Variants in SUGP1 observed in about 807,000 individuals in gnomAD.
SUGP1 encodes SURP and G-patch domain-containing protein 1.
A neutral mutation model predicts 76.5 loss-of-function variants in SUGP1; 34 were observed. The observed-to-expected ratio is 0.44, with a 90% CI of 0.34 to 0.59. The LOEUF is 0.59. Among genes scored for constraint, SUGP1 ranks in the 20% least tolerant of loss-of-function variants. SUGP1 has a pLI of 0.01. For synonymous variants in SUGP1, 326 were observed against 326.2 expected (o/e 1.00, Z 0.01); for missense variants, 752 against 851.7 (o/e 0.88, Z 1.46).
At chr19:19,314,667 T>C (rs1251754214) in intron 2 of SUGP1, among the ~76,000 whole-genome samples, 1 of 151,902 alleles carries the variant, frequency 6.6e-6, no homozygotes, top group Non-Finnish European at 1.5e-5. Context: ...AGACAAGAAA[T>C]CACATTCAGG....
intron 2 of SUGP1, among the ~76,000 whole-genome samples, chr19:19,314,892 G>T (rs1486073126): frequency 1.3e-5 from 2 of 152,208 alleles, no homozygotes; most frequent in Non-Finnish European, 2.9e-5. Context: ...AAATTGGCTG[G>T]GCGTGGCAGC....
intron 4 of SUGP1, 21 bp downstream of exon 4, chr19:19,305,828 G>T: frequency 6.3e-7 from 1 of 1,579,822 alleles, no homozygotes; most frequent in Non-Finnish European, 8.6e-7. Context: ...TGGTGGGGGA[G>T]CAGCAGCTCC....
rs2061210731 is a variant in SUGP1, at chr19:19,294,575, T to C, written c.1243+2414A>G. On this transcript the variant is annotated intron_variant, in intron 8 of 13. Transcript: ENST00000247001. ...AATTTAAGAACTAAAGGTACAAAAC[T>C]CTCGGTAGGAAACACAGGGGTAAAT... is the stretch of plus-strand genomic sequence containing the variant. 1.4e-5 allele frequency among the ~76,000 whole-genome samples: 2 copies of C among 148,058 alleles called. 1 individual carries two copies. Among genetic ancestry groups the C allele is most frequent in the South Asian group, 4.3e-4 (2 of 4,654 alleles).
chr19:19,295,197 T>A (rs1329822057), intron 8 of SUGP1, among the ~76,000 whole-genome samples: 1 of 150,818 alleles, frequency 6.6e-6, no homozygotes, highest in Non-Finnish European at 1.5e-5. Flanking sequence ...ACCAGCCTGG[T>A]CAACATGGTG....
chr19:19,287,705 G>T (rs1306152717), intron 8 of SUGP1, among the ~76,000 whole-genome samples: 1 of 152,212 alleles, frequency 6.6e-6, no homozygotes, highest in Admixed American at 6.5e-5. Flanking sequence ...AGCAGCACCA[G>T]AAAAGAAAAT....
intron 1 of SUGP1, among the ~76,000 whole-genome samples, chr19:19,319,252 C>T (rs1599877048): frequency 6.6e-6 from 1 of 151,904 alleles, no homozygotes; most frequent in African/African-American, 2.4e-5. Flanking sequence ...TCTAAAAGGC[C>T]ATTTTCAAGG....
At chr19:19,304,582 A>G (rs1386005440) in intron 4 of SUGP1, among the ~76,000 whole-genome samples, 2 of 152,214 alleles carry the variant, frequency 1.3e-5, no homozygotes, top group Non-Finnish European at 2.9e-5. Flanking sequence ...ATATTTTTAT[A>G]TACGGATTAG....
At chr19:19,310,055 A>G in intron 3 of SUGP1, 42 bp downstream of exon 3, 2 of 1,499,888 alleles carry the variant, frequency 1.3e-6, no homozygotes, top group Non-Finnish European at 9.3e-7. Flanking sequence ...CCCCAGGGGG[A>G]GATGCAAGGA....
At chr19:19,302,901 T>C (rs578247416) in intron 6 of SUGP1, among the ~76,000 whole-genome samples, 23 of 152,226 alleles carry the variant, frequency 1.5e-4, no homozygotes, top group African/African-American at 5.3e-4. Flanking sequence ...CTGAAATTCA[T>C]CCCATCAGAA....
chr19:19,283,336 G>A (rs1329024269), intron 8 of SUGP1, among the ~76,000 whole-genome samples: 2 of 151,942 alleles, frequency 1.3e-5, no homozygotes, highest in Non-Finnish European at 1.5e-5. Flanking sequence ...GTGCAATCTC[G>A]GCTCACTGCA....
chr19:19,305,387 G>A (rs2061308474), intron 4 of SUGP1, among the ~76,000 whole-genome samples: 1 of 152,200 alleles, frequency 6.6e-6, no homozygotes, highest in South Asian at 2.1e-4. Flanking sequence ...CTTTCCCAGG[G>A]ATAGAAGAGA....
intron 8 of SUGP1, among the ~76,000 whole-genome samples, chr19:19,283,160 ACATAT>A (rs977696461): frequency 6.6e-6 from 1 of 152,212 alleles, no homozygotes; most frequent in Non-Finnish European, 1.5e-5. Flanking sequence ...CTACCATAAA[ACATAT>A]ACACATTGCA....
chr19:19,278,678 CT>C lies in SUGP1; in HGVS notation c.1635+11del. ...GTGGCAGAGGCTGGAGCTAGGGCCC[CT>C]CCTGGCTCACCTTCAGGGCCTTGAA... On this transcript the variant is annotated intron_variant, in intron 11 of 13. Coordinates refer to ENST00000247001, the MANE Select transcript of SUGP1 (RefSeq NM_172231.4). 4 of 1,605,474 alleles carry C rather than the reference CT, an allele frequency of 2.5e-6. No homozygotes were observed. Among genetic ancestry groups the C allele is most frequent in the Non-Finnish European group, 3.4e-6 (4 of 1,175,914 alleles).
At chr19:19,283,794 G>T (rs1264741279) in intron 8 of SUGP1, among the ~76,000 whole-genome samples, 1 of 152,110 alleles carries the variant, frequency 6.6e-6, no homozygotes, top group Non-Finnish European at 1.5e-5. Flanking sequence ...CACCATATTG[G>T]CCAGGCTGGT....
At chr19:19,319,750 C>T (rs1472892022) in intron 1 of SUGP1, among the ~76,000 whole-genome samples, 1 of 148,654 alleles carries the variant, frequency 6.7e-6, no homozygotes, top group Non-Finnish European at 1.5e-5. Context: ...AAGAAAAGGT[C>T]TTTCCTGACT....
intron 4 of SUGP1, among the ~76,000 whole-genome samples, chr19:19,304,995 C>T (rs539470247): frequency 3.7e-4 from 57 of 152,250 alleles, no homozygotes; most frequent in Admixed American, 8.5e-4. Context: ...TCAAGGGCCC[C>T]GAGATGGCCA....
At position 19,303,811 on chromosome 19, in the gene SUGP1, A is replaced by G. The variant is rs2061292569; in HGVS notation, c.575T>C (p.Ile192Thr). The G allele has an allele frequency of 1.2e-6, 2 of 1,614,152 alleles. No individual in the cohort carries two copies. The highest frequency in any genetic ancestry group is 2.2e-5 in the South Asian group (2 of 91,076). The change falls in exon 5 of 14, where the codon ATA (isoleucine) becomes ACA (threonine). Residue 192 changes from isoleucine to threonine, a missense_variant. Around this residue, in one of 2 missense-constraint regions of SUGP1, gnomAD observed 620 missense variants for 617.3 expected, o/e 1.00. Coordinates refer to ENST00000247001, the MANE Select transcript of SUGP1 (RefSeq NM_172231.4). ...TGCCACAAAGCGGGCCAATTTCTCT[A>G]TCACTTTCCGAGTCTCGGCTCCCTC... ...PPEGAETRKVIEKLARFVAEG... is the reference protein window; with the variant it reads ...PPEGAETRKVTEKLARFVAEG...
At position 19,280,128 on chromosome 19, in the gene SUGP1, G is replaced by A; in HGVS notation, c.1350+57C>T. The A allele has an allele frequency of 1.9e-6, 3 of 1,542,018 alleles. 1 individual carries two copies. The highest frequency in any genetic ancestry group is 2.3e-5 in the South Asian group (2 of 88,850). ...TGTGACCGCTGCACCCGGGGGTAGA[G>A]GACAACACTCTATGGGCGCCGACCA... On this transcript the variant is annotated intron_variant, in intron 9 of 13. Transcript: ENST00000247001.
chr19:19,279,372 T>G lies in SUGP1; in HGVS notation c.1369A>C (p.Met457Leu), dbSNP rs1390534271. 1 of 1,607,174 alleles carries G rather than the reference T, an allele frequency of 6.2e-7. No homozygotes were observed. The highest frequency in any genetic ancestry group is 8.5e-7 in the Non-Finnish European group (1 of 1,179,054). ...ATGGCCCGCTTGTGCTGCATGATCA[T>G]GTCGTACATCTGCTGCATCTGCAGG... ...EQQEMQQMYDMIMQHKRAMQD... is the reference protein window; with the variant it reads ...EQQEMQQMYDLIMQHKRAMQD... The change falls in exon 10 of 14, where the codon ATG (methionine) becomes CTG (leucine). Residue 457 changes from methionine to leucine, a missense_variant. Coordinates refer to ENST00000247001, the MANE Select transcript of SUGP1 (RefSeq NM_172231.4).
Sources: allele counts gnomAD v4.1 joint callset (sites outside exome capture counted in the v4.1 genomes callset), GRCh38; gene constraint gnomAD v4.1.1; regional missense constraint gnomAD v4.1.1; transcripts MANE v1.5; gene names NCBI Gene and HGNC (gene_info 2026-07-23, HGNC 2026-07-21).